The following TRPC5 variants were observed in gnomAD, a reference collection of about 807,000 sequenced individuals.
TRPC5 encodes transient receptor potential cation channel subfamily C member 5, also known as short transient receptor potential channel 5.
In TRPC5, 9 loss-of-function variants were observed where a neutral mutation model predicts 56.5. That is an observed-to-expected ratio of 0.16 (90% CI 0.10 to 0.28). TRPC5 has a LOEUF of 0.28. Among genes scored for constraint, TRPC5 ranks in the 10% least tolerant of loss-of-function variants. The pLI, the probability that TRPC5 is intolerant of heterozygous loss-of-function variation, is 1.00. For missense variants in TRPC5, 469 were observed against 748.9 expected, an observed-to-expected ratio of 0.63 and a Z score of 4.36; for synonymous variants, 282 against 278.5, an observed-to-expected ratio of 1.01 and a Z score of -0.13.
At chrX:112,048,620 A>C (rs920978667) in intron 1 of TRPC5, among the ~76,000 whole-genome samples, 3 of 110,961 alleles carry the variant, frequency 2.7e-5, no homozygotes, top group African/African-American at 9.9e-5. Context: ...TAGAAGATAC[A>C]GCCCAATTCC....
chrX:111,955,944 C>G (rs779527808), intron 1 of TRPC5, among the ~76,000 whole-genome samples: 2 of 112,388 alleles, frequency 1.8e-5, no homozygotes, highest in African/African-American at 6.5e-5. Context: ...TGAACCCGCT[C>G]GCAATGTAGT....
chrX:111,901,543 T>G (rs757625064), intron 3 of TRPC5: 4 of 174,191 alleles, frequency 2.3e-5, no homozygotes, highest in Non-Finnish European at 4.3e-5. Flanking sequence ...TTATTAGGTC[T>G]GCTTTGCTGT....
chrX:111,921,573 A>C, intron 2 of TRPC5, among the ~76,000 whole-genome samples: 1 of 111,229 alleles, frequency 9.0e-6, no homozygotes, highest in Non-Finnish European at 1.9e-5. Flanking sequence ...TCATACTGAA[A>C]GATCTTGGAC....
chrX:111,831,693 T>C (rs1004881055), intron 7 of TRPC5, among the ~76,000 whole-genome samples: 6 of 111,906 alleles, frequency 5.4e-5, no homozygotes, highest in Admixed American at 1.9e-4. Flanking sequence ...CTAAAGCAAA[T>C]ACTCCATAGC....
chrX:111,877,841 G>A (rs1924026657), intron 3 of TRPC5, among the ~76,000 whole-genome samples: 1 of 111,456 alleles, frequency 9.0e-6, no homozygotes, highest in Admixed American at 9.6e-5. Context: ...GCTGAGCCAC[G>A]AGAGGTCAAA....
At chrX:111,783,732 G>A (rs1404818356) in intron 7 of TRPC5, among the ~76,000 whole-genome samples, 1 of 110,393 alleles carries the variant, frequency 9.1e-6, no homozygotes, top group Non-Finnish European at 1.9e-5. Flanking sequence ...TCTTAATGAT[G>A]TCTTTACTGG....
chrX:111,909,115 C>T (rs765909748), intron 3 of TRPC5, among the ~76,000 whole-genome samples: 9 of 100,361 alleles, frequency 9.0e-5, no homozygotes, highest in African/African-American at 3.4e-4. Context: ...GAAACCCCGT[C>T]TCTACTAAAA....
chrX:111,776,551 G>A lies in TRPC5; in HGVS notation c.2684C>T (p.Ser895Phe), dbSNP rs1945880126. The A allele has an allele frequency of 8.3e-7, 1 of 1,210,055 alleles. No individual in the cohort carries two copies. The highest frequency in any genetic ancestry group is 1.7e-5 in the African/African-American group (1 of 57,228). ...QMEKGKAEAC[S>F]QSEINLSEVE... ...CTCACTGAGGTTAATTTCACTTTGA[G>A]AACAGGCCTCTGCTTTCCCTTTCTC... The change falls in exon 11 of 11, where the codon TCT becomes TTT. Residue 895 changes from serine to phenylalanine, a missense_variant. By Grantham distance (155) the Ser-to-Phe change is radical (BLOSUM62 -2). Around this residue, in one of 3 missense-constraint regions of TRPC5, gnomAD observed 194 missense variants for 221.8 expected, o/e 0.87. Transcript: ENST00000262839.
chrX:112,019,112 G>A (rs1282451557), intron 1 of TRPC5, among the ~76,000 whole-genome samples: 1 of 112,298 alleles, frequency 8.9e-6, no homozygotes, highest in African/African-American at 3.2e-5. Flanking sequence ...AATTACATCT[G>A]CAAATACCTT....
chrX:111,943,379 T>C (rs960959871), intron 2 of TRPC5, among the ~76,000 whole-genome samples: 2 of 111,759 alleles, frequency 1.8e-5, no homozygotes, highest in Admixed American at 1.9e-4. Context: ...GCCCTCGCTG[T>C]CCCCCTCCAC....
intron 1 of TRPC5, among the ~76,000 whole-genome samples, chrX:112,045,933 G>A (rs1029561723): frequency 1.8e-5 from 2 of 111,313 alleles, no homozygotes; most frequent in African/African-American, 6.6e-5. Flanking sequence ...TCAACTTGAG[G>A]AGATTCCCTC....
chrX:111,954,358 A>G (rs1362248720), intron 1 of TRPC5, among the ~76,000 whole-genome samples: 1 of 112,009 alleles, frequency 8.9e-6, no homozygotes, highest in African/African-American at 3.2e-5. Context: ...AACCCTGCTC[A>G]TTGAAGGCTG....
intron 2 of TRPC5, among the ~76,000 whole-genome samples, chrX:111,939,444 T>C (rs1024361761): frequency 8.9e-6 from 1 of 111,746 alleles, no homozygotes; most frequent in African/African-American, 3.3e-5. Flanking sequence ...TCCTCCATTT[T>C]TCAGAATAGT....
intron 2 of TRPC5, among the ~76,000 whole-genome samples, chrX:111,924,831 G>A (rs1477029268): frequency 8.9e-6 from 1 of 112,564 alleles, no homozygotes; most frequent in Non-Finnish European, 1.9e-5. Flanking sequence ...TGTAAGCATA[G>A]TCCTCCAGAG....
intron 3 of TRPC5, among the ~76,000 whole-genome samples, chrX:111,908,485 G>C (rs751267367): frequency 1.8e-5 from 2 of 111,014 alleles, no homozygotes; most frequent in Admixed American, 1.9e-4. Flanking sequence ...CTAAACTTTA[G>C]GCCATATTTG....
At chrX:112,043,786 A>G (rs763060181) in intron 1 of TRPC5, among the ~76,000 whole-genome samples, 11 of 111,208 alleles carry the variant, frequency 9.9e-5, no homozygotes, top group Admixed American at 3.8e-4. Context: ...CACTTGAGTA[A>G]AAGATCCCAT....
intron 3 of TRPC5, among the ~76,000 whole-genome samples, chrX:111,857,100 A>G (rs1248182910): frequency 3.6e-5 from 4 of 111,917 alleles, no homozygotes; most frequent in Non-Finnish European, 7.5e-5. Flanking sequence ...GTAAGGGCTC[A>G]TTAAATCTTA....
intron 1 of TRPC5, among the ~76,000 whole-genome samples, chrX:111,967,660 A>G (rs1309654051): frequency 9.0e-6 from 1 of 111,599 alleles, no homozygotes; most frequent in African/African-American, 3.3e-5. Context: ...GCCCTCAGAA[A>G]TAATGCCACA....
At chrX:111,811,885 A>G (rs975019895) in intron 7 of TRPC5, among the ~76,000 whole-genome samples, 1 of 111,535 alleles carries the variant, frequency 9.0e-6, no homozygotes, top group African/African-American at 3.3e-5. Context: ...ATGGCCCAGA[A>G]CAGCAATCTC....
Sources: gnomAD v4.1 joint callset for allele counts (sites outside exome capture counted in the v4.1 genomes callset) on GRCh38, gnomAD v4.1.1 for gene constraint, gnomAD v4.1.1 regional missense constraint, MANE v1.5 for transcripts, NCBI Gene and HGNC (gene_info 2026-07-23, HGNC 2026-07-21) for gene names.